Variants in CCSER1 observed in about 807,000 individuals in gnomAD.
CCSER1 encodes serine-rich coiled-coil domain-containing protein 1.
In CCSER1, 41 loss-of-function variants were observed where a neutral mutation model predicts 82.0. That is an observed-to-expected ratio of 0.50 (90% CI 0.39 to 0.65). The LOEUF (loss-of-function observed/expected upper bound fraction) is 0.65. Among genes scored for constraint, CCSER1 ranks in the 30% least tolerant of loss-of-function variants. The pLI, the probability that CCSER1 is intolerant of heterozygous loss-of-function variation, is 0.00. For missense variants in CCSER1, 1,119 were observed against 1,064.2 expected, an observed-to-expected ratio of 1.05 and a Z score of -0.72; for synonymous variants, 414 against 383.9, an observed-to-expected ratio of 1.08 and a Z score of -0.92.
chr4:90,877,398 A>G lies in CCSER1; in HGVS notation c.2095-45972A>G, dbSNP rs540400033. On this transcript the variant is annotated intron_variant, in intron 8 of 10. Coordinates refer to ENST00000509176, the MANE Select transcript of CCSER1 (RefSeq NM_001145065.2). ...CATGGAAAAAGTATAATCCTGGAGG[A>G]AAGTATAATCAATTGAAAAGAATAT... Among the ~76,000 whole-genome samples, 95 of 152,184 alleles carry G rather than the reference A, an allele frequency of 6.2e-4. No individual in the cohort carries two copies. The South Asian group carries it at 0.011, about 18-fold the overall frequency.
At chr4:90,527,166 A>G (rs1560661511) in intron 5 of CCSER1, among the ~76,000 whole-genome samples, 1 of 152,212 alleles carries the variant, frequency 6.6e-6, no homozygotes, top group Non-Finnish European at 1.5e-5. Context: ...CAGGCAACCT[A>G]CAGAATGGGA....
chr4:90,541,291 C>G (rs1397071972), intron 5 of CCSER1, among the ~76,000 whole-genome samples: 5 of 152,024 alleles, frequency 3.3e-5, no homozygotes, highest in African/African-American at 1.2e-4. Flanking sequence ...AGAATGAATA[C>G]TCTCTCTACC....
At chr4:91,578,759 C>T (rs1336178091) in intron 10 of CCSER1, among the ~76,000 whole-genome samples, 1 of 151,794 alleles carries the variant, frequency 6.6e-6, no homozygotes, top group Non-Finnish European at 1.5e-5. Context: ...TGAGGAATAT[C>T]TTTTTCCCAT....
chr4:91,176,754 A>G (rs10017495), intron 10 of CCSER1, among the ~76,000 whole-genome samples: 110,031 of 151,866 alleles, frequency 0.72, 40,165 homozygotes, highest in Non-Finnish European at 0.78. Flanking sequence ...ATACAATCAT[A>G]TCATCTGCAA....
At chr4:91,102,480 T>C (rs1725170521) in intron 10 of CCSER1, among the ~76,000 whole-genome samples, 2 of 152,194 alleles carry the variant, frequency 1.3e-5, no homozygotes, top group African/African-American at 4.8e-5. Flanking sequence ...ATTTTGTAGC[T>C]TTACAGCGGA....
intron 6 of CCSER1, among the ~76,000 whole-genome samples, chr4:90,664,823 C>G (rs999072239): frequency 3.9e-5 from 6 of 152,094 alleles, no homozygotes; most frequent in Non-Finnish European, 8.8e-5. Context: ...TTGCTTGAAG[C>G]CAGGAGGCAG....
intron 5 of CCSER1, among the ~76,000 whole-genome samples, chr4:90,627,346 CT>C (rs1723478790): frequency 6.6e-6 from 1 of 151,888 alleles, no homozygotes; most frequent in Non-Finnish European, 1.5e-5. Flanking sequence ...GCCAGAGCAT[CT>C]GTTTGTTTTT....
intron 10 of CCSER1, among the ~76,000 whole-genome samples, chr4:91,123,434 A>G (rs1359075988): frequency 6.6e-6 from 1 of 151,740 alleles, no homozygotes; most frequent in Non-Finnish European, 1.5e-5. Flanking sequence ...AAATTATTTA[A>G]TATTAAAAAA....
At chr4:90,578,222 A>G (rs79355790) in intron 5 of CCSER1, among the ~76,000 whole-genome samples, 2,849 of 152,330 alleles carry the variant, frequency 0.019, 94 homozygotes, top group African/African-American at 0.064. Context: ...ATGGGTTAAA[A>G]CAATGCAAAT....
intron 10 of CCSER1, among the ~76,000 whole-genome samples, chr4:91,199,389 G>T (rs1735717978): frequency 6.6e-6 from 1 of 152,090 alleles, no homozygotes; most frequent in Admixed American, 6.6e-5. Flanking sequence ...CTTGAAAAGT[G>T]AATCTAATGT....
intron 7 of CCSER1, among the ~76,000 whole-genome samples, chr4:90,724,307 T>C (rs946690588): frequency 6.6e-6 from 1 of 151,898 alleles, no homozygotes; most frequent in African/African-American, 2.4e-5. Flanking sequence ...TTAATATAAG[T>C]CATAGGGGAA....
At chr4:91,437,267 G>C (rs1251418756) in intron 10 of CCSER1, among the ~76,000 whole-genome samples, 1 of 152,160 alleles carries the variant, frequency 6.6e-6, no homozygotes, top group Non-Finnish European at 1.5e-5. Flanking sequence ...TCATACCCTG[G>C]GGGAAGCATG....
Position 90,344,810 on chromosome 4 carries a change from A to G in CCSER1, c.1509+31763A>G, listed in dbSNP as rs138831268. ...GAATGAATGTATGTGTGAATTGTCT[A>G]ATAGATGTAACTAAGAATAAAATGA... On this transcript the variant is annotated intron_variant, in intron 3 of 10. Transcript: ENST00000509176. Among the ~76,000 whole-genome samples, 770 of 152,280 alleles carry G rather than the reference A, an allele frequency of 5.1e-3. 11 individuals are homozygous for G. Among genetic ancestry groups the G allele is most frequent in the Admixed American group, 0.025 (380 of 15,290 alleles).
chr4:90,737,815 A>T (rs192205920), intron 7 of CCSER1, among the ~76,000 whole-genome samples: 8 of 152,036 alleles, frequency 5.3e-5, no homozygotes, highest in African/African-American at 1.9e-4. Context: ...CTGACTATGT[A>T]TTTTCAAATA....
intron 5 of CCSER1, among the ~76,000 whole-genome samples, chr4:90,478,876 G>A (rs1486340145): frequency 1.3e-5 from 2 of 151,864 alleles, no homozygotes; most frequent in East Asian, 3.9e-4. Context: ...GAGTAGCTGG[G>A]ATTATAGGCA....
intron 8 of CCSER1, among the ~76,000 whole-genome samples, chr4:90,821,149 G>T (rs1198548824): frequency 1.3e-5 from 2 of 152,054 alleles, no homozygotes; most frequent in African/African-American, 2.4e-5. Flanking sequence ...ACTTATTACA[G>T]TATCATTTCA....
intron 5 of CCSER1, among the ~76,000 whole-genome samples, chr4:90,540,177 T>C (rs1404689468): frequency 6.6e-6 from 1 of 152,104 alleles, no homozygotes; most frequent in Non-Finnish European, 1.5e-5. Flanking sequence ...AAGTGAAATA[T>C]TCAATGCAAA....
At chr4:90,913,422 T>A (rs1238372464) in intron 8 of CCSER1, among the ~76,000 whole-genome samples, 1 of 150,738 alleles carries the variant, frequency 6.6e-6, no homozygotes, top group African/African-American at 2.5e-5. Flanking sequence ...AATAAAATCC[T>A]TTACAGACAA....
At chr4:90,782,356 CCTT>C (rs1327243623) in intron 7 of CCSER1, among the ~76,000 whole-genome samples, 2 of 152,156 alleles carry the variant, frequency 1.3e-5, no homozygotes, top group Admixed American at 6.6e-5. Flanking sequence ...TTATTGAACT[CCTT>C]CTCTGTGAAA....
Sources: allele counts gnomAD v4.1 joint callset (sites outside exome capture counted in the v4.1 genomes callset), GRCh38; gene constraint gnomAD v4.1.1; transcripts MANE v1.5; gene names NCBI Gene and HGNC (gene_info 2026-07-23, HGNC 2026-07-21).